The following SNX31 variants were observed in gnomAD, a reference collection of about 807,000 sequenced individuals.
The protein encoded by SNX31 is sorting nexin-31.
A neutral mutation model predicts 65.4 loss-of-function variants in SNX31; 58 were observed. That is an observed-to-expected ratio of 0.89 (90% CI 0.72 to 1.10). SNX31 has a LOEUF of 1.10. Ranked by LOEUF, SNX31 falls within the 50% of genes least tolerant of loss-of-function variation. The pLI is 0.00. For synonymous variants in SNX31, 181 were observed against 190.1 expected, an observed-to-expected ratio of 0.95 and a Z score of 0.39; for missense variants, 523 against 529.7, an observed-to-expected ratio of 0.99 and a Z score of 0.12.
At chr8:100,586,209 C>T (rs568683546) in intron 11 of SNX31, among the ~76,000 whole-genome samples, 1 of 152,350 alleles carries the variant, frequency 6.6e-6, no homozygotes, top group South Asian at 2.1e-4. Context: ...GCATGAGCCA[C>T]TGCGCCTGGC....
intron 7 of SNX31, among the ~76,000 whole-genome samples, chr8:100,608,907 C>T (rs1374309849): frequency 1.4e-4 from 22 of 152,130 alleles, no homozygotes; most frequent in Admixed American, 7.2e-4. Context: ...AGTCAACTGC[C>T]CCACACAGAC....
rs1416558513 is a variant in SNX31 at position 100,596,761 on chromosome 8, A to G, written c.856T>C (p.Ser286Pro). The G allele has an allele frequency of 6.8e-6, 11 of 1,614,042 alleles. No individual in the cohort carries two copies. Among genetic ancestry groups the G allele is most frequent in the Non-Finnish European group, 9.3e-6 (11 of 1,180,048 alleles). ...PCTCDYPESG[S>P]GAVLSVGNNE... Reference sequence around the variant, plus strand: ...TTGCCAACAGAAAGAACAGCTCCAGAGCCTGATTCTGGGTAGTCACAGGTA... The same window carrying G: ...TTGCCAACAGAAAGAACAGCTCCAGGGCCTGATTCTGGGTAGTCACAGGTA... Residue 286 changes from serine (S) to proline (P), a missense_variant, in exon 10 of 14, where the codon TCT (serine) becomes CCT (proline). Ser to Pro is a moderately conservative substitution (Grantham distance 74). Transcript: ENST00000311812.
chr8:100,584,298 T>C, intron 11 of SNX31, 110 bp from the exon 12 acceptor site: 2 of 719,478 alleles, frequency 2.8e-6, no homozygotes, highest in Admixed American at 3.9e-5. Context: ...ATAACACAGA[T>C]TCAAGAATTT....
chr8:100,604,815 A>G lies in SNX31; in HGVS notation c.681+3679T>C, dbSNP rs142798119. Among the ~76,000 whole-genome samples the G allele has an allele frequency of 2.2e-4, 34 of 152,328 alleles. No homozygotes were observed. In the East Asian group the frequency reaches 6.4e-3, roughly 29 times the overall value. On this transcript the variant is annotated intron_variant, in intron 8 of 13. Coordinates refer to ENST00000311812, the MANE Select transcript of SNX31 (RefSeq NM_152628.4). This position sits in a 1 kb window ranked among gnomAD's most constrained non-coding sequence, Gnocchi z 4.3. ...TAGAAAATCAAAGCTGTGCCCCTTA[A>G]TAGTTAATTATGATGGATCCATTAT...
chr8:100,662,316 C>T (rs1283919190), intron 1 of SNX31, among the ~76,000 whole-genome samples: 1 of 152,230 alleles, frequency 6.6e-6, no homozygotes, highest in East Asian at 1.9e-4. Context: ...TGTTAAACTG[C>T]TATGATCACT....
chr8:100,641,672 C>T (rs1819249467), intron 2 of SNX31, among the ~76,000 whole-genome samples: 1 of 116,196 alleles, frequency 8.6e-6, no homozygotes, highest in South Asian at 2.9e-4. Flanking sequence ...ATGGTACTTG[C>T]CTGTAGCCAT....
At chr8:100,605,587 A>G (rs1034060358) in intron 8 of SNX31, among the ~76,000 whole-genome samples, 2 of 152,160 alleles carry the variant, frequency 1.3e-5, no homozygotes, top group African/African-American at 2.4e-5. Context: ...CAACAGGGAG[A>G]TGTCGTGGTT....
Position 100,584,894 on chromosome 8 carries a change from T to G in SNX31, c.1093-706A>C, listed in dbSNP as rs1446323331. On this transcript the variant is annotated intron_variant, in intron 11 of 13. Coordinates refer to ENST00000311812, the MANE Select transcript of SNX31 (RefSeq NM_152628.4). ...CACGCTGCCATGCCCAGCTAATTTT[T>G]TTGTATTTTTAGTAGAGACGGGGTT... 4.6e-5 allele frequency among the ~76,000 whole-genome samples: 7 copies of G among 152,146 alleles called. No individual in the cohort carries two copies. In the East Asian group the frequency reaches 1.4e-3, roughly 29 times the overall value.
rs750199099 is a variant in SNX31, at chr8:100,649,522, C to T, written c.-8G>A. ...ACAGAAATGCATCTTCATGGCTGAG[C>T]GGTGTCTTGGGAGTAGCGCTGGGAA... is the stretch of plus-strand genomic sequence containing the variant. On this transcript the variant is annotated 5_prime_UTR_variant, in exon 1 of 14. Transcript: ENST00000311812. The T allele has an allele frequency of 3.8e-6, 6 of 1,563,340 alleles. 1 individual carries two copies. In the South Asian group the frequency reaches 5.9e-5, roughly 15 times the overall value.
At chr8:100,652,243 C>T (rs578043392), upstream of SNX31, among the ~76,000 whole-genome samples, 5 of 152,142 alleles carry the variant, frequency 3.3e-5, no homozygotes, top group Non-Finnish European at 7.4e-5. Flanking sequence ...CTCCCAAAGT[C>T]GTGGGATTAC....
rs1819794706 is a variant in SNX31 at position 100,648,423 on chromosome 8, A to G, written c.141+851T>C. ...AGTAATCCTCCTGCCTCAGTCTCCC[A>G]AAGTATTGGGATTACAAGCATGAGC... is the stretch of plus-strand genomic sequence containing the variant. On this transcript the variant is annotated intron_variant, in intron 2 of 13. Coordinates refer to ENST00000311812, the MANE Select transcript of SNX31 (RefSeq NM_152628.4). This position sits in a 1 kb window ranked among gnomAD's most constrained non-coding sequence, Gnocchi z 4.3. Among the ~76,000 whole-genome samples the G allele has an allele frequency of 6.6e-6, 1 of 150,966 alleles. No individual in the cohort carries two copies. The highest frequency in any genetic ancestry group is 2.1e-4 in the South Asian group (1 of 4,776).
In SNX31 at chr8:100,648,890, T is replaced by G. The variant is rs899989083; in HGVS notation, c.141+384A>C. 2.0e-5 allele frequency among the ~76,000 whole-genome samples: 3 copies of G among 152,232 alleles called. No homozygotes were observed. Among genetic ancestry groups the G allele is most frequent in the African/African-American group, 4.8e-5 (2 of 41,454 alleles). ...AGACTCCAAAGACTCTAGGCCTTGA[T>G]CTAGACCCAGTTTCCAAATTTTGGA... On this transcript the variant is annotated intron_variant, in intron 2 of 13. Transcript: ENST00000311812. This position sits in a 1 kb window ranked among gnomAD's most constrained non-coding sequence, Gnocchi z 4.3.
At chr8:100,581,132 C>CAAAA (rs60802013) in intron 12 of SNX31, among the ~76,000 whole-genome samples, 1 of 79,646 alleles carries the variant, frequency 1.3e-5, no homozygotes, top group Non-Finnish European at 2.6e-5. Context: ...CTTACCTCTA[C>CAAAA]AAAAAAAAAA....
chr8:100,650,842 G>GTTTTTTT (rs200189569), upstream of SNX31, among the ~76,000 whole-genome samples: 5 of 103,814 alleles, frequency 4.8e-5, no homozygotes, highest in African/African-American at 2.9e-4. Context: ...TGTTTTTTGT[G>GTTTTTTT]TTTTTTTGTT....
At chr8:100,619,763 C>G (rs1284254120) in intron 4 of SNX31, 1 of 152,238 alleles carries the variant, frequency 6.6e-6, no homozygotes, top group East Asian at 1.9e-4. Flanking sequence ...GGATTAAACT[C>G]TAATGCCCCA....
At chr8:100,577,562 G>A (rs1813150661) in intron 12 of SNX31, among the ~76,000 whole-genome samples, 1 of 152,200 alleles carries the variant, frequency 6.6e-6, no homozygotes, top group Admixed American at 6.5e-5. Flanking sequence ...GTGCAATCTT[G>A]GGGTAATTGA....
chr8:100,601,325 A>T (rs1350534830), intron 8 of SNX31, among the ~76,000 whole-genome samples: 2 of 152,218 alleles, frequency 1.3e-5, no homozygotes, highest in East Asian at 3.8e-4. Context: ...AATATTTAAC[A>T]ACATGGGAAA....
rs1814287006 is a variant in SNX31, at chr8:100,588,759, T to A, written c.1092+107A>T. On this transcript the variant is annotated intron_variant, in intron 11 of 13. Transcript: ENST00000311812. The surrounding 1 kb of genome is among the most constrained non-coding windows in gnomAD (Gnocchi z 4.8). ...TCCCGAACGAGAGTGCATAGAACAC[T>A]TTAGGGTCCTGCTCTAGTTGGGTTA... 1 of 726,262 alleles carries A rather than the reference T, an allele frequency of 1.4e-6. No homozygotes were observed. The highest frequency in any genetic ancestry group is 1.8e-5 in the African/African-American group (1 of 56,164). 45.0% of individuals were successfully genotyped at this position (726,262 alleles called of 1,614,324 possible). A position where few individuals can be genotyped will look rare whatever the true frequency, so the allele number is the denominator to read the frequency against.
At chr8:100,589,034 C>T (rs545214032) in intron 10 of SNX31, 55 bp from the exon 11 acceptor site, 195 of 1,420,158 alleles carry the variant, frequency 1.4e-4, no homozygotes, top group Admixed American at 2.6e-4. Context: ...ATTAATTTGC[C>T]GGGCACGGTG....
Sources: allele counts gnomAD v4.1 joint callset (sites outside exome capture counted in the v4.1 genomes callset), GRCh38; gene constraint gnomAD v4.1.1; non-coding constraint Gnocchi (gnomAD v3.1); transcripts MANE v1.5; gene names NCBI Gene and HGNC (gene_info 2026-07-23, HGNC 2026-07-21).